DMD: variants seen among roughly 807,000 people sequenced by gnomAD.
The protein encoded by DMD is dystrophin.
A neutral mutation model predicts 330.1 loss-of-function variants in DMD; 63 were observed. The ratio of observed to expected loss-of-function variants is 0.19; its 90% confidence interval spans 0.16 to 0.24. The LOEUF (loss-of-function observed/expected upper bound fraction) is 0.24, where lower values mean the gene tolerates loss of function less well. Among genes scored for constraint, DMD ranks in the 10% least tolerant of loss-of-function variants. DMD has a pLI of 1.00. For synonymous variants in DMD, 1,223 were observed against 959.8 expected (o/e 1.27, Z -5.07); for missense variants, 3,344 against 2,684.1 (o/e 1.25, Z -5.43).
At chrX:33,004,530 A>T (rs770671136) in intron 2 of DMD, among the ~76,000 whole-genome samples, 1 of 111,615 alleles carries the variant, frequency 9.0e-6, no homozygotes, top group Admixed American at 9.6e-5. Context: ...TTAATATGAT[A>T]GTTTTCCCTA....
chrX:32,890,179 C>T (rs1406138479), intron 2 of DMD, among the ~76,000 whole-genome samples: 1 of 111,204 alleles, frequency 9.0e-6, no homozygotes, highest in East Asian at 2.8e-4. Flanking sequence ...GCTCAGGACT[C>T]AGAGAAGCAG....
At chrX:32,718,318 T>C (rs777297729) in intron 7 of DMD, among the ~76,000 whole-genome samples, 2 of 111,012 alleles carry the variant, frequency 1.8e-5, no homozygotes, top group Non-Finnish European at 3.8e-5. Context: ...TCATGATATC[T>C]GGTTGTGTGA....
intron 9 of DMD, among the ~76,000 whole-genome samples, chrX:32,695,399 G>T (rs1348112938): frequency 8.9e-6 from 1 of 111,827 alleles, no homozygotes; most frequent in Admixed American, 9.5e-5. Flanking sequence ...ATGTAATTTG[G>T]TTGAAGGAAC....
At chrX:32,507,090 G>C (rs2044707081) in intron 18 of DMD, among the ~76,000 whole-genome samples, 1 of 111,484 alleles carries the variant, frequency 9.0e-6, no homozygotes, top group African/African-American at 3.3e-5. Flanking sequence ...TCTTAGAGGA[G>C]AAAAAATAAG....
At chrX:33,096,272 C>A (rs1043101685) in intron 1 of DMD, among the ~76,000 whole-genome samples, 1 of 111,086 alleles carries the variant, frequency 9.0e-6, no homozygotes, top group African/African-American at 3.3e-5. Flanking sequence ...CCGCGCCCGG[C>A]CTTCTTCCAG....
chrX:31,801,706 TAC>T (rs1310797970), intron 50 of DMD, among the ~76,000 whole-genome samples: 1 of 110,183 alleles, frequency 9.1e-6, no homozygotes, highest in Non-Finnish European at 1.9e-5. Flanking sequence ...CTTGAATACA[TAC>T]AGTTTTTATT....
chrX:32,908,740 A>C (rs1194731905), intron 2 of DMD, among the ~76,000 whole-genome samples: 1 of 111,725 alleles, frequency 9.0e-6, no homozygotes, highest in Non-Finnish European at 1.9e-5. Flanking sequence ...TTGACATCTG[A>C]ATCTATGAAA....
intron 7 of DMD, among the ~76,000 whole-genome samples, chrX:32,741,084 C>A (rs1303318701): frequency 9.0e-6 from 1 of 111,287 alleles, no homozygotes; most frequent in African/African-American, 3.3e-5. Context: ...CTTGTATGTG[C>A]CGAGAAGGAG....
Position 31,348,806 on chromosome X carries a change from C to T in DMD, c.9085-172G>A, listed in dbSNP as rs965004113. ...CTTACCGTATATAGTATTCCAGACT[C>T]GTTTTTATCAATCCAAGGCCAAACA... On this transcript the variant is annotated intron_variant, in intron 60 of 78. Transcript: ENST00000357033. 7.1e-5 allele frequency among the ~76,000 whole-genome samples: 8 copies of T among 112,012 alleles called. No homozygotes were observed. In the East Asian group the frequency reaches 1.1e-3, roughly 16 times the overall value.
Position 33,008,925 on chromosome X carries a change from C to CGTGT in DMD, c.93+11213_93+11214insACAC, listed in dbSNP as rs1557204330. ...ACACATACTCATATATGTATATATA[C>CGTGT]ATGTATATATACACACGTATATATA... On this transcript the variant is annotated intron_variant, in intron 2 of 78. Coordinates refer to ENST00000357033, the MANE Select transcript of DMD (RefSeq NM_004006.3). 2.5e-3 allele frequency among the ~76,000 whole-genome samples: 194 copies of CGTGT among 78,966 alleles called. 14 individuals carry two copies. The highest frequency in any genetic ancestry group is 6.4e-3 in the African/African-American group (151 of 23,412). The allele number at this position is 78,966 out of a possible 115,157, so 68.6% of individuals were successfully genotyped here.
Position 32,102,106 on chromosome X carries a change from A to C in DMD, c.6438+114810T>G, listed in dbSNP as rs976954228. Reference sequence around the variant, plus strand: ...GCCTAAACGCGCCCACTCTTATCTGATCTTGGAAGCTAAGTGAGGTTCGAC... The same window carrying C: ...GCCTAAACGCGCCCACTCTTATCTGCTCTTGGAAGCTAAGTGAGGTTCGAC... On this transcript the variant is annotated intron_variant, in intron 44 of 78. Coordinates refer to ENST00000357033, the MANE Select transcript of DMD (RefSeq NM_004006.3). 3 of 111,608 alleles carry C rather than the reference A, an allele frequency of 2.7e-5. No individual in the cohort carries two copies. In the East Asian group the frequency reaches 8.5e-4, roughly 32 times the overall value. The allele number at this position is 111,608 out of a possible 1,213,427, so 9.2% of individuals were successfully genotyped here.
chrX:31,821,945 C>A (rs956778586), intron 49 of DMD, among the ~76,000 whole-genome samples: 3 of 112,149 alleles, frequency 2.7e-5, no homozygotes, highest in African/African-American at 9.7e-5. Context: ...GTTTCATATA[C>A]ACGTTGTAGT....
At chrX:31,349,898 A>G (rs1004179806) in intron 60 of DMD, among the ~76,000 whole-genome samples, 24 of 111,460 alleles carry the variant, frequency 2.2e-4, no homozygotes, top group African/African-American at 7.2e-4. Context: ...TGTTAATCTC[A>G]TCAGAAAAGT....
At chrX:31,353,229 A>G (rs2058514121) in intron 60 of DMD, among the ~76,000 whole-genome samples, 1 of 111,011 alleles carries the variant, frequency 9.0e-6, no homozygotes, top group African/African-American at 3.3e-5. Flanking sequence ...TTAGTTAGTC[A>G]TGTTGAAAGC....
intron 59 of DMD, among the ~76,000 whole-genome samples, chrX:31,455,078 G>A (rs994465558): frequency 9.4e-5 from 10 of 106,070 alleles, no homozygotes; most frequent in African/African-American, 3.5e-4. Flanking sequence ...ATGAGCCACC[G>A]TGCCTGGCCC....
At chrX:33,258,387 C>CT (rs1319144353) in intron 1 of DMD, among the ~76,000 whole-genome samples, 1 of 111,314 alleles carries the variant, frequency 9.0e-6, no homozygotes, top group African/African-American at 3.2e-5. Flanking sequence ...CTGAAAAATA[C>CT]TTGCACTGAA....
chrX:33,297,283 T>C (rs960765906), intron 1 of DMD, among the ~76,000 whole-genome samples: 5 of 111,077 alleles, frequency 4.5e-5, no homozygotes, highest in Middle Eastern at 4.7e-3. Flanking sequence ...GTAATATTCA[T>C]TCTTGTTCTA....
At chrX:32,563,997 C>A (rs747325749) in intron 16 of DMD, among the ~76,000 whole-genome samples, 1 of 111,795 alleles carries the variant, frequency 8.9e-6, no homozygotes, top group African/African-American at 3.2e-5. Flanking sequence ...TTATTTACTG[C>A]TCATCTACTT....
chrX:31,803,753 G>T (rs764126024), intron 50 of DMD, among the ~76,000 whole-genome samples: 4 of 108,191 alleles, frequency 3.7e-5, no homozygotes, highest in Non-Finnish European at 5.7e-5. Context: ...AGGCTGGAGC[G>T]CAATGGCACA....
Sources: allele counts gnomAD v4.1 joint callset (sites outside exome capture counted in the v4.1 genomes callset), GRCh38; gene constraint gnomAD v4.1.1; transcripts MANE v1.5; gene names NCBI Gene and HGNC (gene_info 2026-07-23, HGNC 2026-07-21).